Variants in TUBD1 observed in about 807,000 individuals in gnomAD.
TUBD1 encodes tubulin delta chain.
TUBD1 carries 38 observed loss-of-function variants against 51.2 expected under a neutral mutation model. The observed-to-expected ratio is 0.74, with a 90% confidence interval of 0.57 to 0.97. The LOEUF is 0.97. Ranked by LOEUF, TUBD1 falls within the 50% of genes least tolerant of loss-of-function variation. The pLI is 0.00. For missense variants in TUBD1, 489 were observed against 538.4 expected, an observed-to-expected ratio of 0.91 and a Z score of 0.91; for synonymous variants, 169 against 178.2, an observed-to-expected ratio of 0.95 and a Z score of 0.41.
chr17:59,872,953 G>C (rs1451212166), intron 6 of TUBD1, among the ~76,000 whole-genome samples: 1 of 151,892 alleles, frequency 6.6e-6, no homozygotes, highest in Non-Finnish European at 1.5e-5. Context: ...AGTAAAGAAG[G>C]GGTTTCGCCA....
At chr17:59,880,409 G>A (rs1361978387) in intron 4 of TUBD1, among the ~76,000 whole-genome samples, 1 of 151,824 alleles carries the variant, frequency 6.6e-6, no homozygotes, top group East Asian at 1.9e-4. Flanking sequence ...AAGTTTAAGG[G>A]AAGATATATA....
At chr17:59,882,232 C>T (rs998980763) in intron 3 of TUBD1, among the ~76,000 whole-genome samples, 2 of 151,974 alleles carry the variant, frequency 1.3e-5, no homozygotes, top group African/African-American at 4.8e-5. Flanking sequence ...TTTAATCTTC[C>T]TCTAAAAGCT....
chr17:59,882,553 T>G (rs897233225), intron 3 of TUBD1, among the ~76,000 whole-genome samples: 1 of 151,776 alleles, frequency 6.6e-6, no homozygotes, highest in African/African-American at 2.4e-5. Context: ...TCCCAAAGTG[T>G]TGGGATTACA....
chr17:59,882,565 G>C (rs995628174), intron 3 of TUBD1, among the ~76,000 whole-genome samples: 5 of 151,732 alleles, frequency 3.3e-5, no homozygotes, highest in African/African-American at 1.2e-4. Flanking sequence ...GGGATTACAG[G>C]TATTAGCCAC....
intron 1 of TUBD1, among the ~76,000 whole-genome samples, 153 bp from the exon 2 acceptor site, chr17:59,891,194 G>A (rs1351623280): frequency 6.6e-6 from 1 of 152,186 alleles, no homozygotes; most frequent in Non-Finnish European, 1.5e-5. Flanking sequence ...GCAGTGGCAT[G>A]TTCTCGGCTT....
intron 2 of TUBD1, among the ~76,000 whole-genome samples, chr17:59,890,342 C>A (rs1487381785): frequency 6.6e-6 from 1 of 152,102 alleles, no homozygotes; most frequent in East Asian, 1.9e-4. Context: ...CTCCTGGGTT[C>A]AAGTGATTCT....
chr17:59,883,945 C>A (rs1320793468), intron 3 of TUBD1, among the ~76,000 whole-genome samples: 6 of 152,046 alleles, frequency 3.9e-5, no homozygotes, highest in Non-Finnish European at 7.4e-5. Context: ...TCCTAACAGT[C>A]CTGAAACAGT....
chr17:59,863,022 G>A (rs1014317916), intron 8 of TUBD1, among the ~76,000 whole-genome samples: 2 of 151,912 alleles, frequency 1.3e-5, no homozygotes, highest in African/African-American at 4.8e-5. Context: ...CACCATGCCC[G>A]GCTGATGTTA....
At chr17:59,876,337 CCTAA>C (rs61186582) in intron 5 of TUBD1, among the ~76,000 whole-genome samples, 1,945 of 151,722 alleles carry the variant, frequency 0.013, 40 homozygotes, top group African/African-American at 0.04. Context: ...CACCACCATG[CCTAA>C]CTGTTTGTTT....
chr17:59,882,547 A>C (rs1396240845), intron 3 of TUBD1, among the ~76,000 whole-genome samples: 1 of 151,756 alleles, frequency 6.6e-6, no homozygotes, highest in African/African-American at 2.4e-5. Context: ...TCAGCCTCCC[A>C]AAGTGTTGGG....
intron 4 of TUBD1, 100 bp downstream of exon 4, chr17:59,880,794 A>G (rs548983826): frequency 6.9e-5 from 80 of 1,160,364 alleles, no homozygotes; most frequent in East Asian, 5.9e-4. Context: ...GATTACAGGC[A>G]TAAGCCACCG....
In TUBD1 at chr17:59,866,759, G is replaced by GA. The variant is rs760836699; in HGVS notation, c.935-11dup. 540 of 1,555,380 alleles carry GA rather than the reference G, an allele frequency of 3.5e-4. No individual in the cohort carries two copies. Among genetic ancestry groups the GA allele is most frequent in the East Asian group, 6.6e-4 (29 of 43,816 alleles). ...ACATGCCTATCAATACCTACCAAAAGAAAAAAAAAGCAAGAGGTTTTATTT... is the reference window on the plus strand; with the variant it reads ...ACATGCCTATCAATACCTACCAAAAGAAAAAAAAAAGCAAGAGGTTTTATTT... On this transcript the variant is annotated splice_polypyrimidine_tract_variant and intron_variant, in intron 6 of 8. Coordinates refer to ENST00000325752, the MANE Select transcript of TUBD1 (RefSeq NM_016261.4).
Position 59,866,648 on chromosome 17 carries a change from C to T in TUBD1, c.1036G>A (p.Val346Ile). The change falls in exon 7 of 9, where the codon GTC becomes ATC. Residue 346 changes from valine to isoleucine, a missense_variant. Physicochemically the swap from Val to Ile is conservative, Grantham distance 29. Transcript: ENST00000325752. ...TGCACATCTTTCCCACGAAGAATGA[C>T]CAAGTTAGCAATGGAAGTGTTAAAA... ...LHFNTSIANLVILRGKDVQSA... is the reference protein window; with the variant it reads ...LHFNTSIANLIILRGKDVQSA... 6.2e-7 allele frequency: 1 copy of T among 1,613,842 alleles called. No homozygotes were observed.
Position 59,880,916 on chromosome 17 carries a change from ATAATC to A in TUBD1, c.510_514del (p.Gln170HisfsTer8). 1.9e-6 allele frequency: 3 copies of A among 1,614,170 alleles called. No homozygotes were observed. The highest frequency in any genetic ancestry group is 2.5e-6 in the Non-Finnish European group (3 of 1,179,998). On this transcript the variant is annotated frameshift_variant, in exon 4 of 9. Transcript: ENST00000325752. LOFTEE classifies it high-confidence loss of function. Reference sequence around the variant, plus strand: ...TACCTCACCAGTTCCATAAGGCCAAATAATCTGATTCATTTTCAATGAGTTTGAGT... The same window carrying A: ...TACCTCACCAGTTCCATAAGGCCAAATGATTCATTTTCAATGAGTTTGAGT...
chr17:59,870,398 A>AAAAAAAAAAAAAAAAAG (rs2039927874), intron 6 of TUBD1, among the ~76,000 whole-genome samples: 1 of 149,748 alleles, frequency 6.7e-6, no homozygotes, highest in Non-Finnish European at 1.5e-5. Context: ...AAAAAAAAAA[A>AAAAAAAAAAAAAAAAAG]AAAAAAAAAT....
At chr17:59,886,022 C>G in intron 3 of TUBD1, 61 bp downstream of exon 3, 1 of 1,554,640 alleles carries the variant, frequency 6.4e-7, no homozygotes. Context: ...TCTAACTTTG[C>G]TATCTATTAA....
intron 6 of TUBD1, among the ~76,000 whole-genome samples, chr17:59,869,062 G>T (rs931863934): frequency 3.3e-4 from 50 of 151,504 alleles, no homozygotes; most frequent in African/African-American, 1.0e-3. Flanking sequence ...AAGAATATAT[G>T]AAGAGTTATA....
chr17:59,866,510 C>T (rs1398711575), intron 7 of TUBD1, 99 bp downstream of exon 7: 94 of 1,484,544 alleles, frequency 6.3e-5, no homozygotes, highest in Non-Finnish European at 8.0e-5. Context: ...TTATTACTTT[C>T]CTTTCTCCAA....
intron 2 of TUBD1, among the ~76,000 whole-genome samples, chr17:59,887,963 C>G (rs1365553383): frequency 6.7e-6 from 1 of 149,266 alleles, no homozygotes; most frequent in African/African-American, 2.5e-5. Flanking sequence ...GAGATGGAGT[C>G]TCGCTCTGTC....
Sources: gnomAD v4.1 joint callset for allele counts (sites outside exome capture counted in the v4.1 genomes callset) on GRCh38, gnomAD v4.1.1 for gene constraint, MANE v1.5 for transcripts, NCBI Gene and HGNC (gene_info 2026-07-23, HGNC 2026-07-21) for gene names.